Variants in CDKAL1 observed in about 807,000 individuals in gnomAD.
The protein encoded by CDKAL1 is CDKAL1 threonylcarbamoyladenosine tRNA methylthiotransferase.
In CDKAL1, 32 loss-of-function variants were observed where a neutral mutation model predicts 68.2. The ratio of observed to expected loss-of-function variants is 0.47; its 90% CI spans 0.35 to 0.63. CDKAL1 has a LOEUF of 0.63. Ranked by LOEUF, CDKAL1 falls within the 30% of genes least tolerant of loss-of-function variation. The pLI, the probability that CDKAL1 is intolerant of heterozygous loss-of-function variation, is 0.00. For missense variants in CDKAL1, 606 were observed against 696.7 expected, an observed-to-expected ratio of 0.87 and a Z score of 1.47; for synonymous variants, 234 against 244.3, an observed-to-expected ratio of 0.96 and a Z score of 0.39.
At chr6:21,014,612 T>TTAA (rs565923980) in intron 11 of CDKAL1, among the ~76,000 whole-genome samples, 4 of 126,724 alleles carry the variant, frequency 3.2e-5, no homozygotes, top group Non-Finnish European at 6.8e-5. Flanking sequence ...CTCCGTCTCA[T>TTAA]AAAAAAAAAA....
At chr6:20,944,909 C>T (rs1764163635) in intron 9 of CDKAL1, among the ~76,000 whole-genome samples, 1 of 152,144 alleles carries the variant, frequency 6.6e-6, no homozygotes, top group South Asian at 2.1e-4. Context: ...TAAATTCTTG[C>T]TAACTGGTAT....
chr6:20,891,271 C>G (rs559309791), intron 9 of CDKAL1, among the ~76,000 whole-genome samples: 18 of 152,300 alleles, frequency 1.2e-4, no homozygotes, highest in African/African-American at 4.1e-4. Flanking sequence ...CTTATCTCCT[C>G]ACCACTCTCT....
intron 13 of CDKAL1, among the ~76,000 whole-genome samples, chr6:21,163,155 C>T (rs375060732): frequency 9.9e-5 from 15 of 152,146 alleles, no homozygotes; most frequent in South Asian, 6.2e-4. Context: ...AGCAAATGCC[C>T]GTTTTGCCTC....
chr6:20,632,344 C>T (rs1767709371), intron 4 of CDKAL1, among the ~76,000 whole-genome samples: 1 of 152,130 alleles, frequency 6.6e-6, no homozygotes, highest in South Asian at 2.1e-4. Flanking sequence ...TATCACTGGC[C>T]TGAAAAAGAT....
intron 11 of CDKAL1, among the ~76,000 whole-genome samples, chr6:21,007,378 G>A (rs770189602): frequency 1.5e-4 from 22 of 150,390 alleles, no homozygotes; most frequent in Middle Eastern, 3.4e-3. Context: ...CCAAGTAGTC[G>A]CAGCTACTTG....
intron 9 of CDKAL1, among the ~76,000 whole-genome samples, chr6:20,946,671 C>T (rs1764252464): frequency 6.8e-6 from 1 of 147,214 alleles, no homozygotes; most frequent in Non-Finnish European, 1.5e-5. Context: ...AATCTCGGCT[C>T]ACTACAACCT....
chr6:21,126,300 G>A (rs778014735), intron 13 of CDKAL1, among the ~76,000 whole-genome samples: 1 of 152,224 alleles, frequency 6.6e-6, no homozygotes, highest in East Asian at 1.9e-4. Context: ...ATAATGGAGC[G>A]ATGCCCCCTC....
intron 9 of CDKAL1, among the ~76,000 whole-genome samples, chr6:20,912,054 A>C (rs1762491395): frequency 6.6e-6 from 1 of 152,096 alleles, no homozygotes; most frequent in Non-Finnish European, 1.5e-5. Flanking sequence ...GTGTTTTTCC[A>C]CCACATGGTG....
chr6:20,952,989 C>G (rs997815032), intron 9 of CDKAL1, among the ~76,000 whole-genome samples: 1 of 152,236 alleles, frequency 6.6e-6, no homozygotes, highest in Non-Finnish European at 1.5e-5. Context: ...ACAAGATCAT[C>G]TTTGACAGAT....
chr6:20,574,165 A>G (rs1764821763), intron 4 of CDKAL1, among the ~76,000 whole-genome samples: 1 of 152,202 alleles, frequency 6.6e-6, no homozygotes, highest in East Asian at 1.9e-4. Context: ...ATTGGAAAAT[A>G]AGCTTTTTAA....
intron 4 of CDKAL1, among the ~76,000 whole-genome samples, chr6:20,574,618 G>A (rs1480415429): frequency 1.3e-5 from 2 of 152,118 alleles, no homozygotes; most frequent in African/African-American, 2.4e-5. Context: ...AAAGAGCCCT[G>A]TGGGTCTGTC....
At chr6:20,717,616 A>G (rs1193371000) in intron 5 of CDKAL1, among the ~76,000 whole-genome samples, 1 of 152,166 alleles carries the variant, frequency 6.6e-6, no homozygotes, top group African/African-American at 2.4e-5. Flanking sequence ...GGAAGGCCTT[A>G]TTAGAGCAAT....
chr6:21,121,320 G>T (rs1429478355), intron 13 of CDKAL1, among the ~76,000 whole-genome samples: 1 of 151,948 alleles, frequency 6.6e-6, no homozygotes, highest in Non-Finnish European at 1.5e-5. Flanking sequence ...AGATGATGTC[G>T]GCAAGATACT....
At chr6:20,862,980 C>G (rs559947404) in intron 9 of CDKAL1, among the ~76,000 whole-genome samples, 2 of 152,186 alleles carry the variant, frequency 1.3e-5, no homozygotes, top group African/African-American at 4.8e-5. Context: ...GAGCTGAGAT[C>G]GTGCCATTGC....
intron 5 of CDKAL1, chr6:20,722,583 G>A (rs1260702561): frequency 7.7e-6 from 2 of 259,530 alleles, no homozygotes; most frequent in African/African-American, 4.6e-5. Context: ...GTAGAGGCAG[G>A]AGGCAGAGAA....
chr6:21,155,494 A>T (rs1282763448), intron 13 of CDKAL1, among the ~76,000 whole-genome samples: 1 of 152,220 alleles, frequency 6.6e-6, no homozygotes, highest in East Asian at 1.9e-4. Context: ...GGAGAAGCCT[A>T]GTCTCACCCA....
chr6:21,187,175 T>C (rs926108537), intron 13 of CDKAL1, among the ~76,000 whole-genome samples: 7 of 152,234 alleles, frequency 4.6e-5, no homozygotes, highest in South Asian at 2.1e-4. Context: ...CTAGGACTAC[T>C]GTATACATGG....
In CDKAL1 at chr6:20,739,510, A is replaced by G. The variant is rs1773350284; in HGVS notation, c.372-9A>G. 4 of 1,581,696 alleles carry G rather than the reference A, an allele frequency of 2.5e-6. No individual in the cohort carries two copies. Among genetic ancestry groups the G allele is most frequent in the African/African-American group, 1.3e-5 (1 of 74,242 alleles). On this transcript the variant is annotated splice_polypyrimidine_tract_variant and intron_variant, in intron 5 of 15. Coordinates refer to ENST00000274695, the MANE Select transcript of CDKAL1 (RefSeq NM_017774.3). Reference sequence around the variant, plus strand: ...AGGAATTCACATTGTCTTCTCTTCAATCTTTTAGAAAAGCTCAAGAGGAGA... The same window carrying G: ...AGGAATTCACATTGTCTTCTCTTCAGTCTTTTAGAAAAGCTCAAGAGGAGA...
chr6:21,105,541 T>C (rs1037144412), intron 12 of CDKAL1, among the ~76,000 whole-genome samples: 10 of 152,146 alleles, frequency 6.6e-5, no homozygotes, highest in Admixed American at 1.3e-4. Flanking sequence ...ATTTACAAGG[T>C]CCTTATTAAT....
Sources: gnomAD v4.1 joint callset for allele counts (sites outside exome capture counted in the v4.1 genomes callset) on GRCh38, gnomAD v4.1.1 for gene constraint, MANE v1.5 for transcripts, NCBI Gene and HGNC (gene_info 2026-07-23, HGNC 2026-07-21) for gene names.